Variants in APOB observed in about 807,000 individuals in gnomAD.
APOB encodes apolipoprotein B-100.
APOB carries 153 observed loss-of-function variants against 314.1 expected under a neutral mutation model. The ratio of observed to expected loss-of-function variants is 0.49; its 90% CI spans 0.43 to 0.56. The LOEUF (loss-of-function observed/expected upper bound fraction) is 0.56, where lower values mean the gene tolerates loss of function less well. Ranked by LOEUF, APOB falls within the 20% of genes least tolerant of loss-of-function variation. The pLI is 0.00. For missense variants in APOB, 5,430 were observed against 5,350.7 expected, an observed-to-expected ratio of 1.01 and a Z score of -0.46; for synonymous variants, 2,087 against 2,036.4, an observed-to-expected ratio of 1.02 and a Z score of -0.67.
Position 21,024,945 on chromosome 2 carries a change from C to G in APOB, c.2424G>C (p.Gly808=). ...LLLMGARTLQ[G]IPQMIGEVIR... ...CCTGCTGACTTACCATCTGGGGGAT[C>G]CCCTGCAGAGTGCGGGCACCCATCA... Residue 808 remains glycine (G), a synonymous_variant, in exon 16 of 29, where the codon GGG becomes GGC. Coordinates refer to ENST00000233242, the MANE Select transcript of APOB (RefSeq NM_000384.3). 1.2e-6 allele frequency: 2 copies of G among 1,614,012 alleles called. No individual in the cohort carries two copies. The highest frequency in any genetic ancestry group is 1.7e-6 in the Non-Finnish European group (2 of 1,180,002).
rs1663319605 is a variant in APOB, at chr2:21,011,470, C to A, written c.5398G>T (p.Asp1800Tyr). The A allele has an allele frequency of 1.2e-6, 2 of 1,614,022 alleles. No individual in the cohort carries two copies. The change falls in exon 26 of 29, where the codon GAC becomes TAC. Residue 1800 changes from aspartate (D) to tyrosine (Y), a missense_variant. Around this residue, in one of 3 missense-constraint regions of APOB, gnomAD observed 64 missense variants for 99.9 expected, o/e 0.64. Coordinates refer to ENST00000233242, the MANE Select transcript of APOB (RefSeq NM_000384.3). ...PYSLVTTLNS[D>Y]LKYNALDLTN... ...AGATCCAGAGCATTGTATTTCAGGT[C>A]ACTGTTTAAAGTAGTTACCAGAGAA...
At position 21,037,185 on chromosome 2, in the gene APOB, A is replaced by G; in HGVS notation, c.608T>C (p.Ile203Thr). ...CTGCCCCAGGTCTCTTTCAGTGGATATTTCTGTTGCCACATTGCCCTTCCT... is the reference window on the plus strand; with the variant it reads ...CTGCCCCAGGTCTCTTTCAGTGGATGTTTCTGTTGCCACATTGCCCTTCCT... ...KTRKGNVATE[I>T]STERDLGQCD... is the part of the protein sequence containing the mutation. Residue 203 changes from isoleucine to threonine, a missense_variant, in exon 6 of 29, where the codon ATA becomes ACA. Ile to Thr is a moderately conservative substitution (Grantham distance 89). Around this residue, in one of 3 missense-constraint regions of APOB, gnomAD observed 2,085 missense variants for 2,079.7 expected, o/e 1.00. Coordinates refer to ENST00000233242, the MANE Select transcript of APOB (RefSeq NM_000384.3). The G allele has an allele frequency of 1.2e-6, 2 of 1,614,154 alleles. No homozygotes were observed. Among genetic ancestry groups the G allele is most frequent in the Non-Finnish European group, 1.7e-6 (2 of 1,180,032 alleles).
rs753530256 is a variant in APOB at position 21,007,269 on chromosome 2, C to T, written c.9599G>A (p.Ser3200Asn). ...AAAATGCCTGTCAAAGGATTTGATG[C>T]TCTGACTGATAAACTCACAAAGCAC... ...LAVLCEFISQ[S>N]IKSFDRHFEK... is the part of the protein sequence containing the mutation. The change falls in exon 26 of 29, where the codon AGC becomes AAC. Residue 3200 changes from serine (S) to asparagine (N), a missense_variant. Ser to Asn is a conservative substitution (Grantham distance 46, BLOSUM62 1). This residue lies in a region of APOB where 3,281 missense variants were observed against 3,171.0 expected (regional missense o/e 1.03). Coordinates refer to ENST00000233242, the MANE Select transcript of APOB (RefSeq NM_000384.3). The T allele has an allele frequency of 6.2e-6, 10 of 1,613,458 alleles. No homozygotes were observed. Among genetic ancestry groups the T allele is most frequent in the Non-Finnish European group, 8.5e-6 (10 of 1,179,670 alleles).
intron 21 of APOB, among the ~76,000 whole-genome samples, chr2:21,016,189 T>C (rs568412156): frequency 6.6e-6 from 1 of 151,936 alleles, no homozygotes; most frequent in African/African-American, 2.4e-5. Flanking sequence ...TTGGGAGGCT[T>C]AAGCAGGAGA....
chr2:21,010,022 A>G lies in APOB; in HGVS notation c.6846T>C (p.Ala2282=), dbSNP rs1400957776. The G allele has an allele frequency of 6.2e-7, 1 of 1,613,732 alleles. No individual in the cohort carries two copies. ...CCTCAATGTGTTGTTTTAACTTTCC[A>G]GCTAGGTGCTGGATGTCTATATTCT... ...HIQNIDIQHL[A]GKLKQHIEAI... Residue 2282 remains alanine, a synonymous_variant, in exon 26 of 29, where the codon GCT becomes GCC. Transcript: ENST00000233242.
chr2:21,010,046 C>T lies in APOB; in HGVS notation c.6822G>A (p.Gln2274=), dbSNP rs762256882. 3.7e-6 allele frequency: 6 copies of T among 1,613,622 alleles called. No homozygotes were observed. The highest frequency in any genetic ancestry group is 1.7e-5 in the Admixed American group (1 of 60,026). Residue 2274 remains glutamine (Q), a synonymous_variant, in exon 26 of 29, where the codon CAG becomes CAA. Coordinates refer to ENST00000233242, the MANE Select transcript of APOB (RefSeq NM_000384.3). Reference sequence around the variant, plus strand: ...CAGCTAGGTGCTGGATGTCTATATTCTGTATGTGTCTCTTAAGCTGCTGCA... The same window carrying T: ...CAGCTAGGTGCTGGATGTCTATATTTTGTATGTGTCTCTTAAGCTGCTGCA... The part of the protein sequence containing the change: ...EKLQQLKRHI[Q]NIDIQHLAGK...
chr2:21,019,189 A>G, intron 19 of APOB, 76 bp from the exon 20 acceptor site: 13 of 1,583,892 alleles, frequency 8.2e-6, no homozygotes, highest in Non-Finnish European at 1.1e-5. Flanking sequence ...AAAACAATTC[A>G]GCCTCAAATG....
In APOB at chr2:21,001,743, G is replaced by T. The variant is rs749915303; in HGVS notation, c.13679C>A (p.Thr4560Asn). 3.7e-6 allele frequency: 6 copies of T among 1,613,732 alleles called. No homozygotes were observed. The South Asian group carries it at 6.6e-5, about 18-fold the overall frequency. ...TCTTTTAAAAAATTAGAGGATGATA[G>T]TAAGTTCTCCTGGAGCAAGCTTCAT... ...PYMKLAPGELTIIL is the reference protein window; with the variant it reads ...PYMKLAPGELNIIL Residue 4560 changes from threonine to asparagine, a missense_variant, in exon 29 of 29, where the codon ACT (threonine) becomes AAT (asparagine). By Grantham distance (65) the Thr-to-Asn change is moderately conservative. Around this residue, in one of 3 missense-constraint regions of APOB, gnomAD observed 3,281 missense variants for 3,171.0 expected, o/e 1.03. Transcript: ENST00000233242.
At position 21,002,112 on chromosome 2, in the gene APOB, G is replaced by A. The variant is rs764183555; in HGVS notation, c.13310C>T (p.Ser4437Leu). ...VSASNFTSQL[S>L]SQVEQFLHRN... ...GTGCAGAAATTGCTCAACTTGACTT[G>A]AGAGTTGGGAAGTAAAGTTAGAGGC... The change falls in exon 29 of 29, where the codon TCA becomes TTA. Residue 4437 changes from serine to leucine, a missense_variant. By Grantham distance (145) the Ser-to-Leu change is moderately radical. Transcript: ENST00000233242. The A allele has an allele frequency of 1.2e-6, 2 of 1,613,968 alleles. No individual in the cohort carries two copies. The highest frequency in any genetic ancestry group is 1.7e-6 in the Non-Finnish European group (2 of 1,179,990).
Position 21,027,937 on chromosome 2 carries a change from G to A in APOB, c.1958C>T (p.Ala653Val), listed in dbSNP as rs1240072154. 6.2e-7 allele frequency: 1 copy of A among 1,613,998 alleles called. No individual in the cohort carries two copies. Residue 653 changes from alanine (A) to valine (V), a missense_variant, in exon 14 of 29, where the codon GCC becomes GTC. Ala to Val is a moderately conservative substitution (Grantham distance 64). Around this residue, in one of 3 missense-constraint regions of APOB, gnomAD observed 2,085 missense variants for 2,079.7 expected, o/e 1.00. Transcript: ENST00000233242. ...AAATATAAGATTCCCTTCTATTTTG[G>A]CTGAGGCTGGGTCAAGTGATGGAAG... ...VSLPSLDPASAKIEGNLIFDP... is the reference protein window; with the variant it reads ...VSLPSLDPASVKIEGNLIFDP...
chr2:21,011,507 C>T lies in APOB; in HGVS notation c.5361G>A (p.Gln1787=). 1 of 1,614,132 alleles carries T rather than the reference C, an allele frequency of 6.2e-7. No individual in the cohort carries two copies. The highest frequency in any genetic ancestry group is 2.2e-5 in the East Asian group (1 of 44,882). The change falls in exon 26 of 29, where the codon CAG becomes CAA. Residue 1787 remains glutamine (Q), a synonymous_variant. Transcript: ENST00000233242. Reference sequence around the variant, plus strand: ...TAGTTACCAGAGAATAGGGCTGTAGCTGTAAATTAACAGTTTGCTTATAAA... The same window carrying T: ...TAGTTACCAGAGAATAGGGCTGTAGTTGTAAATTAACAGTTTGCTTATAAA... ...DKFYKQTVNL[Q]LQPYSLVTTL...
Position 21,005,812 on chromosome 2 carries a change from C to A in APOB, c.11056G>T (p.Asp3686Tyr). ...GTGGTTACATCCAGCTTTAGGAAAT[C>A]CCATAAGCTCTTGTCATAGACTGGT... ...ILPVYDKSLW[D>Y]FLKLDVTTSI... The change falls in exon 26 of 29, where the codon GAT becomes TAT. Residue 3686 changes from aspartate (D) to tyrosine (Y), a missense_variant. Transcript: ENST00000233242. 1 of 1,614,006 alleles carries A rather than the reference C, an allele frequency of 6.2e-7. No homozygotes were observed. Among genetic ancestry groups the A allele is most frequent in the Non-Finnish European group, 8.5e-7 (1 of 1,179,958 alleles).
In APOB at chr2:21,019,051, T is replaced by G. The variant is rs1663538709; in HGVS notation, c.3062A>C (p.Glu1021Ala). The stretch of plus-strand genomic sequence containing the variant: ...CAAGGCTCTGTCCTCTCTCTGGAGC[T>G]CATAGGTTGCGCTGACAGAATACTG... ...IEQYSVSATY[E>A]LQREDRALVD... is the part of the protein sequence containing the mutation. Residue 1021 changes from glutamate to alanine, a missense_variant, in exon 20 of 29, where the codon GAG becomes GCG. Around this residue, in one of 3 missense-constraint regions of APOB, gnomAD observed 2,085 missense variants for 2,079.7 expected, o/e 1.00. Transcript: ENST00000233242. The G allele has an allele frequency of 6.2e-7, 1 of 1,613,842 alleles. No homozygotes were observed. The highest frequency in any genetic ancestry group is 1.1e-5 in the South Asian group (1 of 91,064).
rs35442885 is a variant in APOB, at chr2:21,024,878, T to TA, written c.2436+54dup. The stretch of plus-strand genomic sequence containing the variant: ...GGATCGTAAGGGAGTCTGGGCGATC[T>TA]AAAAAAAAACCAACGTCTGGTCTCA... On this transcript the variant is annotated intron_variant, in intron 16 of 28. Transcript: ENST00000233242. The TA allele has an allele frequency of 7.4e-4, 1,143 of 1,543,152 alleles. 1 individual carries two copies. Among genetic ancestry groups the TA allele is most frequent in the African/African-American group, 4.7e-3 (344 of 73,332 alleles).
rs991221177 is a variant in APOB, at chr2:21,039,189, C to T, written c.384-1078G>A. ...ACAGTAGATATTGCCTGATGGCTCT[C>T]GTTTCCACCAGCAGCTCAGGACAGC... On this transcript the variant is annotated intron_variant, in intron 4 of 28. Transcript: ENST00000233242. Among the ~76,000 whole-genome samples the T allele has an allele frequency of 4.6e-5, 7 of 152,272 alleles. No individual in the cohort carries two copies. In the East Asian group the frequency reaches 9.6e-4, roughly 21 times the overall value.
At position 21,044,000 on chromosome 2, in the gene APOB, C is replaced by G. The variant is rs1664207500; in HGVS notation, c.-55G>C. 8 of 986,936 alleles carry G rather than the reference C, an allele frequency of 8.1e-6. No individual in the cohort carries two copies. The highest frequency in any genetic ancestry group is 9.1e-6 in the Non-Finnish European group (7 of 770,818). 61.1% of individuals were successfully genotyped at this position (986,936 alleles called of 1,614,324 possible). The stretch of plus-strand genomic sequence containing the variant: ...TGCGGCCTGGCCTCGGCCTCGCGGC[C>G]CTGGCTGGCTGGGCGGGCTCCTCAG... On this transcript the variant is annotated 5_prime_UTR_variant, in exon 1 of 29. Coordinates refer to ENST00000233242, the MANE Select transcript of APOB (RefSeq NM_000384.3).
intron 8 of APOB, among the ~76,000 whole-genome samples, chr2:21,034,020 G>C (rs1299726671): frequency 6.6e-6 from 1 of 152,242 alleles, no homozygotes; most frequent in African/African-American, 2.4e-5. Flanking sequence ...TTACAACTGG[G>C]ACCAGGCACA....
Position 21,005,840 on chromosome 2 carries a change from G to A in APOB, c.11028C>T (p.Ile3676=). ...EGHLRFLKNI[I]LPVYDKSLWD... ...ATAAGCTCTTGTCATAGACTGGTAGGATGATATTTTTGAGGAACCTTAGGT... is the reference window on the plus strand; with the variant it reads ...ATAAGCTCTTGTCATAGACTGGTAGAATGATATTTTTGAGGAACCTTAGGT... The change falls in exon 26 of 29, where the codon ATC becomes ATT. Residue 3676 remains isoleucine (I), a synonymous_variant. Transcript: ENST00000233242. 6.2e-7 allele frequency: 1 copy of A among 1,614,020 alleles called. No individual in the cohort carries two copies. The highest frequency in any genetic ancestry group is 8.5e-7 in the Non-Finnish European group (1 of 1,179,942).
At position 21,001,954 on chromosome 2, in the gene APOB, CAG is replaced by C; in HGVS notation, c.13466_13467del (p.Ser4489Ter). The C allele has an allele frequency of 6.2e-7, 1 of 1,614,032 alleles. No individual in the cohort carries two copies. Among genetic ancestry groups the C allele is most frequent in the Non-Finnish European group, 8.5e-7 (1 of 1,179,986 alleles). On this transcript the variant is annotated frameshift_variant, in exon 29 of 29. Transcript: ENST00000233242. LOFTEE classifies it high-confidence loss of function. The stretch of plus-strand genomic sequence containing the variant: ...TTATATCTAAACTGCTGGTGGTAAT[CAG>C]AAATTATTTTCTTCGTCGCAATGGC... ...SQAIATKKIISDYHQQFRYKL... is the reference protein window; with the variant it reads ...SQAIATKKIIXDYHQQFRYKL...
Sources: gnomAD v4.1 joint callset for allele counts (sites outside exome capture counted in the v4.1 genomes callset) on GRCh38, gnomAD v4.1.1 for gene constraint, gnomAD v4.1.1 regional missense constraint, MANE v1.5 for transcripts, NCBI Gene and HGNC (gene_info 2026-07-23, HGNC 2026-07-21) for gene names.